The following SOBP variants were observed in gnomAD, a reference collection of about 807,000 sequenced individuals.
The protein encoded by SOBP is sine oculis-binding protein homolog.
In SOBP, 4 loss-of-function variants were observed where a neutral mutation model predicts 53.6. That is an observed-to-expected ratio of 0.07 (90% CI 0.04 to 0.17). The LOEUF (loss-of-function observed/expected upper bound fraction) is 0.17, where lower values mean the gene tolerates loss of function less well. SOBP is among the 10% of genes least tolerant of loss of function. The pLI is 1.00. For missense variants in SOBP, 1,088 were observed against 1,204.7 expected (o/e 0.90, Z 1.43); for synonymous variants, 584 against 522.6 (o/e 1.12, Z -1.60).
chr6:107,493,889 A>C (rs575961435), intron 1 of SOBP, among the ~76,000 whole-genome samples: 1 of 152,332 alleles, frequency 6.6e-6, no homozygotes, highest in East Asian at 1.9e-4. Context: ...ACTAGATCAG[A>C]TATTGAGTTA....
chr6:107,524,310 T>G (rs1042233189), intron 3 of SOBP, among the ~76,000 whole-genome samples: 3 of 152,194 alleles, frequency 2.0e-5, no homozygotes, highest in African/African-American at 7.2e-5. Flanking sequence ...TGAGTAGACT[T>G]CAGCTATCTA....
At chr6:107,504,301 C>T (rs1011576893) in intron 2 of SOBP, among the ~76,000 whole-genome samples, 1 of 152,134 alleles carries the variant, frequency 6.6e-6, no homozygotes, top group African/African-American at 2.4e-5. Context: ...CCTGCCCCCA[C>T]GCACTTGAAT....
rs374843849 is a variant in SOBP, at chr6:107,599,946, G to A, written c.669+12771G>A. Among the ~76,000 whole-genome samples, 5 of 152,292 alleles carry A rather than the reference G, an allele frequency of 3.3e-5. No homozygotes were observed. In the East Asian group the frequency reaches 7.7e-4, roughly 24 times the overall value. ...AATGTCGTTTAGTCAAAACTCAAGT[G>A]CATCTCCCCTTGATTAGAGCTCCTC... On this transcript the variant is annotated intron_variant, in intron 5 of 6. Transcript: ENST00000317357.
At chr6:107,639,320 G>T (rs934964487) in intron 6 of SOBP, among the ~76,000 whole-genome samples, 1 of 152,144 alleles carries the variant, frequency 6.6e-6, no homozygotes, top group African/African-American at 2.4e-5. Context: ...CTAGTTCTTT[G>T]TAAATTATAG....
At chr6:107,534,990 C>T (rs1402630538) in intron 4 of SOBP, among the ~76,000 whole-genome samples, 1 of 152,146 alleles carries the variant, frequency 6.6e-6, no homozygotes, top group Non-Finnish European at 1.5e-5. Context: ...CCAGTGCTTT[C>T]TTCTTCAAAG....
chr6:107,588,091 G>C (rs975552646), intron 5 of SOBP, among the ~76,000 whole-genome samples: 10 of 152,224 alleles, frequency 6.6e-5, no homozygotes, highest in African/African-American at 2.2e-4. Context: ...GAATGAGGAT[G>C]CTCAGTTGTT....
chr6:107,532,147 A>C (rs1436532747), intron 3 of SOBP, among the ~76,000 whole-genome samples: 1 of 151,856 alleles, frequency 6.6e-6, no homozygotes, highest in Non-Finnish European at 1.5e-5. Context: ...TGGGGATTTT[A>C]TGATTACCAT....
chr6:107,556,278 C>T (rs1400466377), intron 4 of SOBP, among the ~76,000 whole-genome samples: 7 of 152,210 alleles, frequency 4.6e-5, no homozygotes, highest in Non-Finnish European at 8.8e-5. Context: ...CAGAAATGCA[C>T]ACTCTGAAGC....
At chr6:107,538,270 A>T (rs969726814) in intron 4 of SOBP, among the ~76,000 whole-genome samples, 3 of 152,250 alleles carry the variant, frequency 2.0e-5, no homozygotes, top group African/African-American at 7.2e-5. Flanking sequence ...CAAGTAGTAC[A>T]GAAGAAATGT....
chr6:107,508,574 G>A (rs1317510030), intron 3 of SOBP, among the ~76,000 whole-genome samples: 2 of 149,810 alleles, frequency 1.3e-5, no homozygotes, highest in South Asian at 2.1e-4. Flanking sequence ...GTGAGACTCC[G>A]TCTCAAAAAA....
intron 1 of SOBP, among the ~76,000 whole-genome samples, chr6:107,503,021 A>G (rs1782883908): frequency 6.6e-6 from 1 of 152,178 alleles, no homozygotes; most frequent in Non-Finnish European, 1.5e-5. Context: ...TCAGCCTTCC[A>G]AAGTGCGGGA....
intron 1 of SOBP, among the ~76,000 whole-genome samples, chr6:107,502,614 AT>A (rs1782873148): frequency 6.6e-6 from 1 of 152,200 alleles, no homozygotes; most frequent in Admixed American, 6.5e-5. Context: ...GTTTTCATAC[AT>A]TATCCCAAAT....
At chr6:107,500,972 A>G (rs1782831667) in intron 1 of SOBP, among the ~76,000 whole-genome samples, 1 of 152,146 alleles carries the variant, frequency 6.6e-6, no homozygotes. Context: ...CTTTCATGAA[A>G]GCTTTGAGAT....
At chr6:107,492,914 C>CTTGAA (rs1782613520) in intron 1 of SOBP, among the ~76,000 whole-genome samples, 1 of 152,098 alleles carries the variant, frequency 6.6e-6, no homozygotes, top group Non-Finnish European at 1.5e-5. Flanking sequence ...TTCAAGTATA[C>CTTGAA]CATGCCTGAG....
intron 1 of SOBP, among the ~76,000 whole-genome samples, chr6:107,499,050 G>A (rs1034842366): frequency 3.9e-5 from 6 of 152,148 alleles, no homozygotes; most frequent in African/African-American, 1.4e-4. Flanking sequence ...AAGTCTTAAC[G>A]TAAGTAGATA....
intron 1 of SOBP, among the ~76,000 whole-genome samples, chr6:107,497,311 G>C (rs1782726816): frequency 6.6e-6 from 1 of 152,136 alleles, no homozygotes; most frequent in South Asian, 2.1e-4. Context: ...CACTTTCTTG[G>C]ATAATGGGTG....
At chr6:107,575,874 A>G (rs928753312) in intron 4 of SOBP, among the ~76,000 whole-genome samples, 1 of 152,184 alleles carries the variant, frequency 6.6e-6, no homozygotes, top group Admixed American at 6.5e-5. Context: ...CGAAATGATT[A>G]TCCCCTATTT....
intron 5 of SOBP, among the ~76,000 whole-genome samples, chr6:107,610,119 G>T (rs1201605223): frequency 6.6e-6 from 1 of 152,176 alleles, no homozygotes; most frequent in Non-Finnish European, 1.5e-5. Flanking sequence ...GAAAACACTT[G>T]ACACTTCCAC....
chr6:107,620,384 T>A (rs988541335), intron 5 of SOBP, among the ~76,000 whole-genome samples: 2 of 152,196 alleles, frequency 1.3e-5, no homozygotes, highest in Non-Finnish European at 2.9e-5. Context: ...CACTATTTAG[T>A]CTCTTGGCAT....
Sources: allele counts gnomAD v4.1 joint callset (sites outside exome capture counted in the v4.1 genomes callset), GRCh38; gene constraint gnomAD v4.1.1; transcripts MANE v1.5; gene names NCBI Gene and HGNC (gene_info 2026-07-23, HGNC 2026-07-21).